FRMD5: variants seen among roughly 807,000 people sequenced by gnomAD.
FRMD5 encodes FERM domain containing 5.
In FRMD5, 20 loss-of-function variants were observed where a neutral mutation model predicts 69.0. The ratio of observed to expected loss-of-function variants is 0.29; its 90% CI spans 0.20 to 0.42. FRMD5 has a LOEUF of 0.42. Among genes scored for constraint, FRMD5 ranks in the 10% least tolerant of loss-of-function variants. The probability of loss-of-function intolerance (pLI) is 1.00; values close to 1 mark genes in which losing one functional copy is unlikely to be tolerated. For synonymous variants in FRMD5, 271 were observed against 260.1 expected (o/e 1.04, Z -0.40); for missense variants, 595 against 708.6 (o/e 0.84, Z 1.82).
intron 1 of FRMD5, among the ~76,000 whole-genome samples, chr15:44,039,199 C>G (rs1041302704): frequency 6.6e-6 from 1 of 152,254 alleles, no homozygotes; most frequent in Admixed American, 6.5e-5. Context: ...AAACCCCCAT[C>G]TCCCTGGGAC....
At chr15:44,093,385 G>A (rs2076503212) in intron 1 of FRMD5, among the ~76,000 whole-genome samples, 1 of 152,050 alleles carries the variant, frequency 6.6e-6, no homozygotes, top group Admixed American at 6.6e-5. Context: ...GGTAGGGAAA[G>A]GGAAGGGCAT....
intron 7 of FRMD5, among the ~76,000 whole-genome samples, chr15:43,899,408 T>TG (rs557709696): frequency 6.6e-6 from 1 of 152,230 alleles, no homozygotes; most frequent in East Asian, 1.9e-4. Flanking sequence ...AGAAGTCTCC[T>TG]GGGGGGTTTC....
chr15:43,876,750 T>G (rs189358491), intron 13 of FRMD5, among the ~76,000 whole-genome samples: 1 of 152,308 alleles, frequency 6.6e-6, no homozygotes, highest in Admixed American at 6.5e-5. Flanking sequence ...TGAGGGGGCA[T>G]GGGAGTAGTC....
At chr15:44,107,793 G>T (rs1267175029) in intron 1 of FRMD5, among the ~76,000 whole-genome samples, 1 of 152,174 alleles carries the variant, frequency 6.6e-6, no homozygotes, top group Non-Finnish European at 1.5e-5. Flanking sequence ...AAGTAATTTG[G>T]ATTTGGCTAT....
At chr15:44,173,600 C>A (rs1280809714) in intron 1 of FRMD5, among the ~76,000 whole-genome samples, 1 of 152,110 alleles carries the variant, frequency 6.6e-6, no homozygotes, top group Non-Finnish European at 1.5e-5. Context: ...TCACTGTAAC[C>A]TCCAGGTTCA....
chr15:44,170,775 C>T (rs1434288956), intron 1 of FRMD5, among the ~76,000 whole-genome samples: 1 of 152,068 alleles, frequency 6.6e-6, no homozygotes, highest in African/African-American at 2.4e-5. Context: ...CTCCACAAGG[C>T]GTTACCTTAC....
chr15:43,906,082 G>T, intron 5 of FRMD5, 131 bp from the exon 6 acceptor site: 1 of 1,184,862 alleles, frequency 8.4e-7, no homozygotes, highest in Non-Finnish European at 1.2e-6. Flanking sequence ...TGGATTCTGA[G>T]CACGGCTGTG....
intron 1 of FRMD5, among the ~76,000 whole-genome samples, chr15:44,047,214 GAGA>G (rs770073306): frequency 1.2e-4 from 18 of 152,060 alleles, no homozygotes; most frequent in Non-Finnish European, 2.2e-4. Flanking sequence ...GAGGCTGAGG[GAGA>G]AGAATTGCTT....
chr15:44,022,409 A>G (rs927194293), intron 1 of FRMD5, among the ~76,000 whole-genome samples: 3 of 151,570 alleles, frequency 2.0e-5, no homozygotes, highest in Admixed American at 1.3e-4. Context: ...TACTAAAAAA[A>G]AAAAACATAC....
intron 1 of FRMD5, among the ~76,000 whole-genome samples, chr15:44,027,437 A>T (rs1387120904): frequency 6.6e-6 from 1 of 152,152 alleles, no homozygotes; most frequent in Non-Finnish European, 1.5e-5. Context: ...TGCAGTAACA[A>T]CCCCAAATCT....
At chr15:44,005,584 T>G (rs2140189876) in intron 1 of FRMD5, among the ~76,000 whole-genome samples, 1 of 152,094 alleles carries the variant, frequency 6.6e-6, no homozygotes, top group African/African-American at 2.4e-5. Context: ...TACAGCGGCT[T>G]CTATTTCTTG....
intron 1 of FRMD5, among the ~76,000 whole-genome samples, chr15:44,177,883 A>G (rs1468706567): frequency 6.6e-6 from 1 of 152,234 alleles, no homozygotes; most frequent in Admixed American, 6.5e-5. Flanking sequence ...CTAATCACAA[A>G]GGGGCATAAG....
At chr15:43,989,884 T>C (rs1889587114) in intron 1 of FRMD5, 2 of 1,076,640 alleles carry the variant, frequency 1.9e-6, no homozygotes, top group Non-Finnish European at 2.9e-6. Context: ...CATGGGGTGC[T>C]CCTTGGCAGC....
intron 1 of FRMD5, among the ~76,000 whole-genome samples, chr15:44,144,159 T>G (rs2077318818): frequency 1.3e-5 from 2 of 152,180 alleles, no homozygotes; most frequent in South Asian, 4.1e-4. Flanking sequence ...TTATAGGATT[T>G]CCTTCTCGTC....
At chr15:44,083,842 T>C (rs1333260049) in intron 1 of FRMD5, among the ~76,000 whole-genome samples, 1 of 152,058 alleles carries the variant, frequency 6.6e-6, no homozygotes, top group Non-Finnish European at 1.5e-5. Context: ...GTTCAATATC[T>C]TCTTTCTGTC....
chr15:44,046,809 T>TC (rs1892448563), intron 1 of FRMD5, among the ~76,000 whole-genome samples: 1 of 152,196 alleles, frequency 6.6e-6, no homozygotes, highest in Non-Finnish European at 1.5e-5. Flanking sequence ...ATAGCCAAGT[T>TC]CAACTTCCCT....
chr15:44,098,120 A>AAAC (rs1555403635), intron 1 of FRMD5, among the ~76,000 whole-genome samples: 2 of 142,246 alleles, frequency 1.4e-5, no homozygotes, highest in Non-Finnish European at 3.0e-5. Flanking sequence ...CAAAACAAAA[A>AAAC]AAAAAAAACT....
At chr15:43,941,362 C>T (rs972302706) in intron 1 of FRMD5, among the ~76,000 whole-genome samples, 4 of 152,210 alleles carry the variant, frequency 2.6e-5, no homozygotes, top group Non-Finnish European at 5.9e-5. Flanking sequence ...GTGATCCTGC[C>T]ACCCAGCCTC....
chr15:43,916,967 A>G (rs1388583172), intron 4 of FRMD5, among the ~76,000 whole-genome samples: 1 of 151,926 alleles, frequency 6.6e-6, no homozygotes, highest in East Asian at 1.9e-4. Flanking sequence ...TTTAGTAGAG[A>G]CGGGGTTTCA....
Sources: gnomAD v4.1 joint callset for allele counts (sites outside exome capture counted in the v4.1 genomes callset) on GRCh38, gnomAD v4.1.1 for gene constraint, MANE v1.5 for transcripts, NCBI Gene and HGNC (gene_info 2026-07-23, HGNC 2026-07-21) for gene names.